CCDC30: variants seen among roughly 807,000 people sequenced by gnomAD.
CCDC30 encodes the protein coiled-coil domain containing 30.
In CCDC30, 70 loss-of-function variants were observed where a neutral mutation model predicts 100.2. The ratio of observed to expected loss-of-function variants is 0.70; its 90% CI spans 0.58 to 0.85. The LOEUF (loss-of-function observed/expected upper bound fraction) is 0.85, where lower values mean the gene tolerates loss of function less well. CCDC30 is among the 40% of genes least tolerant of loss of function. The probability of loss-of-function intolerance (pLI) is 0.00; values close to 1 mark genes in which losing one functional copy is unlikely to be tolerated. For missense variants in CCDC30, 652 were observed against 771.2 expected (o/e 0.85, Z 1.83); for synonymous variants, 233 against 269.5 (o/e 0.86, Z 1.33).
chr1:42,473,206 T>C (rs947341113), intron 1 of CCDC30: 37 of 1,231,012 alleles, frequency 3.0e-5, no homozygotes, highest in Middle Eastern at 3.1e-4. Flanking sequence ...ACAACTCTGT[T>C]TGGTGCTTAT....
chr1:42,491,955 G>T, intron 4 of CCDC30: 1 of 900,338 alleles, frequency 1.1e-6, no homozygotes, highest in South Asian at 1.8e-5. Flanking sequence ...GAGTCTTGCT[G>T]ATCTGCAGAA....
At chr1:42,564,557 C>T (rs1386544732) in intron 6 of CCDC30, among the ~76,000 whole-genome samples, 4 of 122,936 alleles carry the variant, frequency 3.3e-5, no homozygotes, top group African/African-American at 9.4e-5. Context: ...TGAGCCACCA[C>T]GCCCAGCCTA....
At chr1:42,530,385 C>T (rs1008986490) in intron 6 of CCDC30, among the ~76,000 whole-genome samples, 3 of 152,072 alleles carry the variant, frequency 2.0e-5, no homozygotes, top group Admixed American at 2.0e-4. Flanking sequence ...AAAACTTTAT[C>T]TTAGTTATGT....
At chr1:42,478,832 C>T (rs1450955016) in intron 1 of CCDC30, among the ~76,000 whole-genome samples, 1 of 152,024 alleles carries the variant, frequency 6.6e-6, no homozygotes, top group Non-Finnish European at 1.5e-5. Context: ...AAAATATAGC[C>T]TGTAACATTT....
chr1:42,579,420 G>A (rs1016605571), intron 8 of CCDC30, among the ~76,000 whole-genome samples: 10 of 148,592 alleles, frequency 6.7e-5, no homozygotes, highest in African/African-American at 2.5e-4. Flanking sequence ...GATCACCTGA[G>A]GTCAGGAGTT....
chr1:42,624,263 G>GATGTTGAATTTTATCATGAAAGT (rs1646892463), intron 11 of CCDC30, among the ~76,000 whole-genome samples: 1 of 152,110 alleles, frequency 6.6e-6, no homozygotes, highest in African/African-American at 2.4e-5. Flanking sequence ...ATCATGAAAG[G>GATGTTGAATTTTATCATGAAAGT]ATGTTGAATT....
At chr1:42,635,089 T>A (rs1647124065) in intron 11 of CCDC30, among the ~76,000 whole-genome samples, 1 of 152,216 alleles carries the variant, frequency 6.6e-6, no homozygotes, top group South Asian at 2.1e-4. Flanking sequence ...GAAGTCTCCC[T>A]CTGTTGCCCA....
chr1:42,540,527 A>C (rs1178665821), intron 6 of CCDC30, among the ~76,000 whole-genome samples: 1 of 152,154 alleles, frequency 6.6e-6, no homozygotes, highest in East Asian at 1.9e-4. Context: ...TAAACTTTTT[A>C]TGTTGAAATA....
intron 11 of CCDC30, among the ~76,000 whole-genome samples, chr1:42,628,086 G>A (rs188624836): frequency 6.6e-6 from 1 of 152,328 alleles, no homozygotes; most frequent in African/African-American, 2.4e-5. Flanking sequence ...AAGCCACAGG[G>A]ATGGAACTGC....
At chr1:42,557,592 T>G (rs1645395321) in intron 6 of CCDC30, among the ~76,000 whole-genome samples, 1 of 141,196 alleles carries the variant, frequency 7.1e-6, no homozygotes, top group South Asian at 2.2e-4. Flanking sequence ...GTTTATTTTA[T>G]TAAAATAAAA....
At chr1:42,531,622 CGTGGCGGCGCATGCCT>C (rs927297046) in intron 6 of CCDC30, among the ~76,000 whole-genome samples, 22 of 152,136 alleles carry the variant, frequency 1.4e-4, no homozygotes, top group African/African-American at 5.1e-4. Context: ...ATTAGCTAGG[CGTGGCGGCGCATGCCT>C]GTAGTTCCAA....
chr1:42,566,422 C>T lies in CCDC30; in HGVS notation c.583C>T (p.Gln195Ter). 3 of 1,613,924 alleles carry T rather than the reference C, an allele frequency of 1.9e-6. No homozygotes were observed. The highest frequency in any genetic ancestry group is 2.5e-6 in the Non-Finnish European group (3 of 1,179,870). Residue 195 changes from glutamine (Q) to a stop codon, truncating the protein, a stop_gained, in exon 7 of 17, where the codon CAG (glutamine) becomes TAG (stop). Coordinates refer to ENST00000668663, the Ensembl canonical transcript of CCDC30. LOFTEE classifies it high-confidence loss of function. ...AAATGAGCTTCGATATGAACGAGGG[C>T]AGAACTTGGACTTAAAGCAACATAA...
chr1:42,506,237 T>A (rs188360418), intron 6 of CCDC30, among the ~76,000 whole-genome samples: 6 of 152,370 alleles, frequency 3.9e-5, no homozygotes, highest in African/African-American at 1.2e-4. Flanking sequence ...TTAGTGTAGT[T>A]CATGCAGTTA....
At chr1:42,538,748 C>G (rs1644957049) in intron 6 of CCDC30, among the ~76,000 whole-genome samples, 1 of 152,186 alleles carries the variant, frequency 6.6e-6, no homozygotes, top group East Asian at 1.9e-4. Context: ...TTCAGCAATT[C>G]CCTTATAAAG....
At chr1:42,577,954 A>T (rs1645876959) in intron 8 of CCDC30, among the ~76,000 whole-genome samples, 2 of 152,104 alleles carry the variant, frequency 1.3e-5, no homozygotes. Context: ...GTGATGTTTC[A>T]ATAGATATAA....
At chr1:42,649,166 G>C (rs1648130820) in intron 15 of CCDC30, among the ~76,000 whole-genome samples, 1 of 152,122 alleles carries the variant, frequency 6.6e-6, no homozygotes, top group South Asian at 2.1e-4. Flanking sequence ...AAAAAATAAA[G>C]AGGAGGGAAT....
At chr1:42,461,381 G>A (rs749521595), upstream of CCDC30, among the ~76,000 whole-genome samples, 11 of 152,156 alleles carry the variant, frequency 7.2e-5, no homozygotes, top group Non-Finnish European at 1.3e-4. Flanking sequence ...AGTCACCCAG[G>A]TTGGAGTGCA....
intron 9 of CCDC30, among the ~76,000 whole-genome samples, chr1:42,585,370 G>T (rs908017964): frequency 2.0e-5 from 3 of 152,050 alleles, no homozygotes; most frequent in African/African-American, 7.2e-5. Context: ...AAAGTGCTGG[G>T]ATTATAGATG....
At chr1:42,628,525 T>G (rs1054802465) in intron 11 of CCDC30, among the ~76,000 whole-genome samples, 16 of 152,174 alleles carry the variant, frequency 1.1e-4, no homozygotes, top group African/African-American at 3.6e-4. Flanking sequence ...AATCTTATCT[T>G]GAATTTTGTC....
Sources: gnomAD v4.1 joint callset for allele counts (sites outside exome capture counted in the v4.1 genomes callset) on GRCh38, gnomAD v4.1.1 for gene constraint, MANE v1.5 for transcripts, NCBI Gene and HGNC (gene_info 2026-07-23, HGNC 2026-07-21) for gene names.